Variants in VIRMA observed in about 807,000 individuals in gnomAD.
The protein encoded by VIRMA is protein virilizer homolog.
A neutral mutation model predicts 182.4 loss-of-function variants in VIRMA; 65 were observed. That is an observed-to-expected ratio of 0.36 (90% CI 0.29 to 0.44). VIRMA has a LOEUF of 0.44. Among genes scored for constraint, VIRMA ranks in the 20% least tolerant of loss-of-function variants. The probability of loss-of-function intolerance (pLI) is 1.00; values close to 1 mark genes in which losing one functional copy is unlikely to be tolerated. For synonymous variants in VIRMA, 709 were observed against 743.1 expected (o/e 0.95, Z 0.75); for missense variants, 1,752 against 2,158.1 (o/e 0.81, Z 3.73).
At chr8:94,533,448 G>A (rs1225568875) in intron 5 of VIRMA, among the ~76,000 whole-genome samples, 3 of 151,696 alleles carry the variant, frequency 2.0e-5, no homozygotes, top group African/African-American at 7.3e-5. Flanking sequence ...TTGTGTGTGG[G>A]TTTCTGTTTT....
intron 1 of VIRMA, among the ~76,000 whole-genome samples, chr8:94,552,793 C>T (rs368032896): frequency 2.0e-5 from 3 of 152,196 alleles, no homozygotes; most frequent in Admixed American, 1.3e-4. Flanking sequence ...TCTCAACTCT[C>T]CCCTCTTCGC....
rs1438395392 is a variant in VIRMA at position 94,487,845 on chromosome 8, ATAG to A, written c.*858_*860del. ...TTAGATGTTTCTGATTCCCAAAATA[ATAG>A]TATTAGGATATTCCTTATTTTAGGC... On this transcript the variant is annotated 3_prime_UTR_variant, in exon 24 of 24. Coordinates refer to ENST00000297591, the MANE Select transcript of VIRMA (RefSeq NM_015496.5). 2 of 152,246 alleles carry A rather than the reference ATAG, an allele frequency of 1.3e-5. No individual in the cohort carries two copies. The highest frequency in any genetic ancestry group is 4.8e-5 in the African/African-American group (2 of 41,464). 9.4% of individuals were successfully genotyped at this position (152,246 alleles called of 1,614,324 possible).
In VIRMA at chr8:94,488,759, A is replaced by T; in HGVS notation, c.5386T>A (p.Phe1796Ile). Residue 1796 changes from phenylalanine (F) to isoleucine (I), a missense_variant, in exon 24 of 24, where the codon TTT becomes ATT. Phe to Ile is a conservative substitution (Grantham distance 21). This residue lies in a region of VIRMA where 132 missense variants were observed against 173.8 expected (regional missense o/e 0.76). Transcript: ENST00000297591. The stretch of plus-strand genomic sequence containing the variant: ...CCTCTACCACTGCCTCCACTAACAA[A>T]CTTTCCTCTTGAGCCTCCACTGCCG... ...NSGSGGSRGK[F>I]VSGGSGRGRH... 1.9e-6 allele frequency: 3 copies of T among 1,614,166 alleles called. No homozygotes were observed. Among genetic ancestry groups the T allele is most frequent in the Non-Finnish European group, 2.5e-6 (3 of 1,180,034 alleles).
chr8:94,539,070 T>A (rs1011224567), intron 2 of VIRMA, among the ~76,000 whole-genome samples: 130 of 144,426 alleles, frequency 9.0e-4, no homozygotes, highest in African/African-American at 3.1e-3. Flanking sequence ...CTGGGCTAAT[T>A]TTTTTTTTTT....
At chr8:94,504,869 G>A (rs1448062078) in intron 16 of VIRMA, among the ~76,000 whole-genome samples, 1 of 152,136 alleles carries the variant, frequency 6.6e-6, no homozygotes, top group Non-Finnish European at 1.5e-5. Context: ...GGGAAAAAGG[G>A]AATAGGTTAA....
chr8:94,519,518 C>T, intron 8 of VIRMA, 42 bp from the exon 9 acceptor site: 1 of 1,504,958 alleles, frequency 6.6e-7, no homozygotes, highest in South Asian at 1.4e-5. Flanking sequence ...CAGTGCAAAG[C>T]ATTCTTCATT....
chr8:94,531,132 A>C, intron 5 of VIRMA, 47 bp from the exon 6 acceptor site: 1 of 1,488,656 alleles, frequency 6.7e-7, no homozygotes, highest in Non-Finnish European at 8.9e-7. Context: ...ATTACAGATG[A>C]CCCCCGAACA....
chr8:94,538,264 C>T lies in VIRMA; in HGVS notation c.262G>A (p.Gly88Arg). The change falls in exon 3 of 24, where the codon GGA becomes AGA. Residue 88 changes from glycine (G) to arginine (R), a missense_variant. Gly to Arg is a moderately radical substitution (Grantham distance 125, BLOSUM62 -2). Coordinates refer to ENST00000297591, the MANE Select transcript of VIRMA (RefSeq NM_015496.5). ...KPSAPVFDRLGSLEYDENTSI... is the reference protein window; with the variant it reads ...KPSAPVFDRLRSLEYDENTSI... ...AATTACCTAGCAGGTACATACCTTC[C>T]CAACCTATCGAAAACAGGGGCACTT... is the stretch of plus-strand genomic sequence containing the variant. 6.2e-7 allele frequency: 1 copy of T among 1,608,326 alleles called. No homozygotes were observed. The highest frequency in any genetic ancestry group is 8.5e-7 in the Non-Finnish European group (1 of 1,174,916).
At chr8:94,507,936 T>C (rs977564260) in intron 15 of VIRMA, among the ~76,000 whole-genome samples, 11 of 148,896 alleles carry the variant, frequency 7.4e-5, no homozygotes, top group African/African-American at 2.7e-4. Context: ...TATGTACATA[T>C]GTGTATATGT....
rs1470596518 is a variant in VIRMA at position 94,517,496 on chromosome 8, C to A, written c.2668+292G>T. On this transcript the variant is annotated intron_variant, in intron 10 of 23. Coordinates refer to ENST00000297591, the MANE Select transcript of VIRMA (RefSeq NM_015496.5). ...GGGATTACAGGCATGAGCCACCGCA[C>A]CCGGCCTTGAGTTTGTCTTTAAACT... 2.0e-5 allele frequency among the ~76,000 whole-genome samples: 3 copies of A among 152,238 alleles called. No individual in the cohort carries two copies. The East Asian group carries it at 5.8e-4, about 29-fold the overall frequency.
rs1177318937 is a variant in VIRMA at position 94,492,755 on chromosome 8, A to G, written c.4705T>C (p.Leu1569=). The G allele has an allele frequency of 1.2e-6, 2 of 1,613,856 alleles. No individual in the cohort carries two copies. Among genetic ancestry groups the G allele is most frequent in the East Asian group, 2.2e-5 (1 of 44,878 alleles). The change falls in exon 21 of 24, where the codon TTA becomes CTA. Residue 1569 remains leucine (L), a synonymous_variant. Transcript: ENST00000297591. The part of the protein sequence containing the change: ...CCSDFDLHSE[L]ERSFLSEPSS... ...GGTTCTGACAAAAATGAGCGCTCTA[A>G]TTCTGAGTGCAAATCAAAGTCACTA...
chr8:94,534,554 C>A (rs964172367), intron 5 of VIRMA, among the ~76,000 whole-genome samples: 1 of 151,832 alleles, frequency 6.6e-6, no homozygotes, highest in African/African-American at 2.4e-5. Flanking sequence ...TCACTCTCTC[C>A]CACCCCAATC....
Position 94,499,380 on chromosome 8 carries a change from G to T in VIRMA, c.4224C>A (p.Asp1408Glu). The T allele has an allele frequency of 6.4e-7, 1 of 1,562,526 alleles. No homozygotes were observed. ...CAAACACACACATACTTACAATTGT[G>T]TCAGAGTTAAGAATTTGTCTCATAA... Reference protein sequence around the residue: ...LEFMRQILNSDTIGCCGDDNG... With the variant: ...LEFMRQILNSETIGCCGDDNG... Residue 1408 changes from aspartate to glutamate, a missense_variant, in exon 17 of 24, where the codon GAC becomes GAA. This residue lies in a region of VIRMA where 777 missense variants were observed against 920.6 expected (regional missense o/e 0.84). Coordinates refer to ENST00000297591, the MANE Select transcript of VIRMA (RefSeq NM_015496.5).
chr8:94,550,733 T>C (rs1466053787), intron 1 of VIRMA, among the ~76,000 whole-genome samples: 1 of 152,082 alleles, frequency 6.6e-6, no homozygotes, highest in Non-Finnish European at 1.5e-5. Flanking sequence ...TTTATTTATT[T>C]TAAAAGACAG....
intron 16 of VIRMA, among the ~76,000 whole-genome samples, chr8:94,503,920 T>C (rs13438933): frequency 0.04 from 6,054 of 151,826 alleles, 132 homozygotes; most frequent in Middle Eastern, 0.051. Context: ...CATCTGTAAT[T>C]CCAACACTTT....
At chr8:94,518,306 G>C (rs1243919102) in intron 9 of VIRMA, among the ~76,000 whole-genome samples, 3 of 152,302 alleles carry the variant, frequency 2.0e-5, no homozygotes, top group South Asian at 2.1e-4. Context: ...ATAGGAACGA[G>C]TATGATCACC....
intron 16 of VIRMA, among the ~76,000 whole-genome samples, chr8:94,504,067 G>C (rs1232724471): frequency 6.6e-6 from 1 of 152,098 alleles, no homozygotes; most frequent in African/African-American, 2.4e-5. Flanking sequence ...CCAGCTACTT[G>C]GGAGGCTGAG....
chr8:94,546,158 A>C (rs1385975739), intron 1 of VIRMA, among the ~76,000 whole-genome samples: 1 of 151,172 alleles, frequency 6.6e-6, no homozygotes, highest in Non-Finnish European at 1.5e-5. Context: ...AGCTAAGAAC[A>C]ACCAACAGAA....
At chr8:94,495,948 C>G in intron 18 of VIRMA, 57 bp from the exon 19 acceptor site, 1 of 1,457,442 alleles carries the variant, frequency 6.9e-7, no homozygotes, top group Non-Finnish European at 9.3e-7. Context: ...GTCTGTAAAC[C>G]TACTGACTCT....
Sources: gnomAD v4.1 joint callset for allele counts (sites outside exome capture counted in the v4.1 genomes callset) on GRCh38, gnomAD v4.1.1 for gene constraint, gnomAD v4.1.1 regional missense constraint, MANE v1.5 for transcripts, NCBI Gene and HGNC (gene_info 2026-07-23, HGNC 2026-07-21) for gene names.